Variants in DNAH9 observed in about 807,000 individuals in gnomAD.
DNAH9 encodes the protein DNAH9 variant protein.
DNAH9 carries 345 observed loss-of-function variants against 471.6 expected under a neutral mutation model. The observed-to-expected ratio is 0.73, with a 90% CI of 0.67 to 0.80. The LOEUF (loss-of-function observed/expected upper bound fraction) is 0.80. Among genes scored for constraint, DNAH9 ranks in the 30% least tolerant of loss-of-function variants. The pLI is 0.00. For missense variants in DNAH9, 5,407 were observed against 5,609.2 expected (o/e 0.96, Z 1.15); for synonymous variants, 2,093 against 2,123.6 (o/e 0.99, Z 0.40).
chr17:11,745,194 T>C, intron 31 of DNAH9, 110 bp downstream of exon 31: 1 of 896,060 alleles, frequency 1.1e-6, no homozygotes, highest in Non-Finnish European at 1.7e-6. Flanking sequence ...TACAAATATG[T>C]ATCTAGTTAG....
chr17:11,766,486 A>G (rs1159452634), intron 36 of DNAH9, among the ~76,000 whole-genome samples: 8 of 152,170 alleles, frequency 5.3e-5, no homozygotes, highest in Non-Finnish European at 7.3e-5. Flanking sequence ...AACCAGGATA[A>G]CCTATAGCAT....
chr17:11,805,918 G>A (rs1018211390), intron 43 of DNAH9, among the ~76,000 whole-genome samples: 1 of 151,852 alleles, frequency 6.6e-6, no homozygotes, highest in African/African-American at 2.4e-5. Flanking sequence ...ACCCTCTCCA[G>A]ATGGGGTTTC....
intron 32 of DNAH9, among the ~76,000 whole-genome samples, chr17:11,749,306 A>G (rs991684361): frequency 1.3e-5 from 2 of 151,700 alleles, no homozygotes; most frequent in Admixed American, 6.6e-5. Context: ...GGATGGTCTC[A>G]ATCTCCTGAC....
In DNAH9 at chr17:11,884,446, A is replaced by G. The variant is rs191024249; in HGVS notation, c.10971+696A>G. On this transcript the variant is annotated intron_variant, in intron 56 of 68. Transcript: ENST00000262442. ...AGTCTCGCGCTTGCATCAGAAGGGCATTGGAGATATTGGCCCTGAGCAGGA... is the reference window on the plus strand; with the variant it reads ...AGTCTCGCGCTTGCATCAGAAGGGCGTTGGAGATATTGGCCCTGAGCAGGA... 1.3e-3 allele frequency: 480 copies of G among 382,332 alleles called. 1 individual carries two copies. Among genetic ancestry groups the G allele is most frequent in the African/African-American group, 8.3e-3 (399 of 48,056 alleles). 23.7% of individuals were successfully genotyped at this position (382,332 alleles called of 1,614,324 possible). A position where few individuals can be genotyped will look rare whatever the true frequency, so the allele number is the denominator to read the frequency against.
intron 17 of DNAH9, among the ~76,000 whole-genome samples, chr17:11,670,717 T>C (rs939683543): frequency 1.4e-4 from 21 of 152,176 alleles, no homozygotes; most frequent in African/African-American, 5.1e-4. Context: ...TTTTTTTTTT[T>C]TTTGAGATGC....
At chr17:11,663,562 C>G (rs1368781660) in intron 14 of DNAH9, among the ~76,000 whole-genome samples, 2 of 152,190 alleles carry the variant, frequency 1.3e-5, no homozygotes, top group Admixed American at 6.5e-5. Context: ...TTGCAGAAGA[C>G]CAAGTACAAT....
In DNAH9 at chr17:11,969,321, A is replaced by G. The variant is rs760137186; in HGVS notation, c.13255A>G (p.Lys4419Glu). ...DTQAGIITEA[K>E]LKDLTPPMPV... The stretch of plus-strand genomic sequence containing the variant: ...TCAGGCTGGGATCATTACAGAGGCA[A>G]AGCTGAAGGATCTGACACCCCCTAT... The change falls in exon 69 of 69, where the codon AAG becomes GAG. Residue 4419 changes from lysine (K) to glutamate (E), a missense_variant. Physicochemically the swap from Lys to Glu is moderately conservative, Grantham distance 56. Coordinates refer to ENST00000262442, the MANE Select transcript of DNAH9 (RefSeq NM_001372.4). The G allele has an allele frequency of 1.1e-4, 176 of 1,613,924 alleles. No homozygotes were observed. The highest frequency in any genetic ancestry group is 1.5e-4 in the Non-Finnish European group (173 of 1,180,016).
chr17:11,884,424 C>G, intron 56 of DNAH9: 1 of 338,062 alleles, frequency 3.0e-6, no homozygotes. Flanking sequence ...CAGTCTCAGT[C>G]TCGCGCTTGC....
rs983667979 is a variant in DNAH9 at position 11,651,274 on chromosome 17, T to C, written c.2303T>C (p.Ile768Thr). 1.9e-6 allele frequency: 3 copies of C among 1,613,752 alleles called. No homozygotes were observed. The highest frequency in any genetic ancestry group is 2.2e-5 in the East Asian group (1 of 44,874). Residue 768 changes from isoleucine (I) to threonine (T), a missense_variant, in exon 13 of 69, where the codon ATT (isoleucine) becomes ACT (threonine). Ile to Thr is a moderately conservative substitution (Grantham distance 89, BLOSUM62 -1). Transcript: ENST00000262442. ...FPLVEEELQN[I>T]DLRLRAAEET... is the part of the protein sequence containing the mutation. ...TTAGTGGAGGAAGAGCTGCAAAATA[T>C]TGATCTCCGCCTCAGAGCAGCAGAG...
At chr17:11,968,874 C>T (rs1041877692) in intron 68 of DNAH9, among the ~76,000 whole-genome samples, 29 of 152,130 alleles carry the variant, frequency 1.9e-4, no homozygotes, top group Non-Finnish European at 2.2e-4. Context: ...AGAAAAGAAA[C>T]AGAAACAGGA....
At chr17:11,852,329 G>T (rs1971452451) in intron 49 of DNAH9, among the ~76,000 whole-genome samples, 1 of 152,210 alleles carries the variant, frequency 6.6e-6, no homozygotes, top group Non-Finnish European at 1.5e-5. Flanking sequence ...CTAATAGGAA[G>T]TGGTAGGGAG....
intron 24 of DNAH9, 151 bp from the exon 25 acceptor site, chr17:11,704,052 A>T: frequency 1.2e-6 from 1 of 864,212 alleles, no homozygotes; most frequent in Non-Finnish European, 1.8e-6. Context: ...GGTTTAGAGC[A>T]TATGGTTCAC....
rs1235453580 is a variant in DNAH9, at chr17:11,611,772, T to A, written c.896T>A (p.Val299Asp). ...FPAFKAMYRD[V>D]VAALAEAQDI... is the part of the protein sequence containing the mutation. Reference sequence around the variant, plus strand: ...GCTTTCAAAGCCATGTACAGAGATGTTGTTGCAGGTGAGGACCAGCAAGTG... The same window carrying A: ...GCTTTCAAAGCCATGTACAGAGATGATGTTGCAGGTGAGGACCAGCAAGTG... The change falls in exon 4 of 69, where the codon GTT becomes GAT. Residue 299 changes from valine to aspartate, a missense_variant. Around this residue, in one of 3 missense-constraint regions of DNAH9, gnomAD observed 767 missense variants for 692.5 expected, o/e 1.11. Coordinates refer to ENST00000262442, the MANE Select transcript of DNAH9 (RefSeq NM_001372.4). 1.9e-6 allele frequency: 3 copies of A among 1,614,188 alleles called. No homozygotes were observed. The highest frequency in any genetic ancestry group is 4.5e-5 in the East Asian group (2 of 44,892).
intron 49 of DNAH9, among the ~76,000 whole-genome samples, chr17:11,842,419 G>C (rs752569788): frequency 1.3e-5 from 2 of 152,192 alleles, no homozygotes; most frequent in South Asian, 4.1e-4. Flanking sequence ...GAACTAATAG[G>C]ATAGATGTAT....
intron 27 of DNAH9, chr17:11,723,147 T>C (rs1261230380): frequency 1.3e-5 from 2 of 152,252 alleles, no homozygotes; most frequent in African/African-American, 4.8e-5. Context: ...GGAGTCCTAG[T>C]CCCGTCTCTC....
At chr17:11,694,103 T>C (rs965730723) in intron 21 of DNAH9, 105 bp downstream of exon 21, 1 of 1,427,848 alleles carries the variant, frequency 7.0e-7, no homozygotes, top group Non-Finnish European at 9.6e-7. Context: ...GCCTTGCATG[T>C]CCCTTTCTTT....
chr17:11,610,508 G>T lies in DNAH9; in HGVS notation c.727G>T (p.Gly243Trp). The T allele has an allele frequency of 6.2e-7, 1 of 1,613,366 alleles. No individual in the cohort carries two copies. The highest frequency in any genetic ancestry group is 1.8e-4 in the Middle Eastern group (1 of 5,426). ...KRESSQPLLQ[G>W]ENPTPKVELE... ...AGAGTCTTCCCAGCCACTCTTACAAGGGGAGAATCCCACCCCTAAGGTGGA... is the reference window on the plus strand; with the variant it reads ...AGAGTCTTCCCAGCCACTCTTACAATGGGAGAATCCCACCCCTAAGGTGGA... The change falls in exon 3 of 69, where the codon GGG (glycine) becomes TGG (tryptophan). Residue 243 changes from glycine to tryptophan, a missense_variant. By Grantham distance (184) the Gly-to-Trp change is radical. This residue lies in a region of DNAH9 where 767 missense variants were observed against 692.5 expected (regional missense o/e 1.11). Coordinates refer to ENST00000262442, the MANE Select transcript of DNAH9 (RefSeq NM_001372.4).
rs746140707 is a variant in DNAH9, at chr17:11,701,109, G to A, written c.5026-13G>A. 4 of 1,614,060 alleles carry A rather than the reference G, an allele frequency of 2.5e-6. No individual in the cohort carries two copies. In the South Asian group the frequency reaches 3.3e-5, roughly 13 times the overall value. ...CTCAGGCACCCAGTGTCTAACCTGA[G>A]TTGTTCTTTCAGGTAGAAATATGGC... On this transcript the variant is annotated splice_polypyrimidine_tract_variant and intron_variant, in intron 23 of 68. Coordinates refer to ENST00000262442, the MANE Select transcript of DNAH9 (RefSeq NM_001372.4).
Position 11,669,793 on chromosome 17 carries a change from A to G in DNAH9, c.3352A>G (p.Ser1118Gly), listed in dbSNP as rs781781378. The change falls in exon 17 of 69, where the codon AGC becomes GGC. Residue 1118 changes from serine (S) to glycine (G), a missense_variant and splice_region_variant. By Grantham distance (56) the Ser-to-Gly change is moderately conservative. This residue lies in a region of DNAH9 where 4,636 missense variants were observed against 4,900.3 expected (regional missense o/e 0.95). Transcript: ENST00000262442. Reference sequence around the variant, plus strand: ...GCATCTTGTGGACCACGTCACTCACAGGTACAACAGTTGTTTTCACTTTCT... The same window carrying G: ...GCATCTTGTGGACCACGTCACTCACGGGTACAACAGTTGTTTTCACTTTCT... ...KQHLVDHVTH[S>G]LANLDAFIKK... The G allele has an allele frequency of 6.2e-7, 1 of 1,612,302 alleles. No homozygotes were observed. Among genetic ancestry groups the G allele is most frequent in the Non-Finnish European group, 8.5e-7 (1 of 1,178,738 alleles).
Sources: gnomAD v4.1 joint callset for allele counts (sites outside exome capture counted in the v4.1 genomes callset) on GRCh38, gnomAD v4.1.1 for gene constraint, gnomAD v4.1.1 regional missense constraint, MANE v1.5 for transcripts, NCBI Gene and HGNC (gene_info 2026-07-23, HGNC 2026-07-21) for gene names.